TRDN: variants seen among roughly 807,000 people sequenced by gnomAD.
The protein encoded by TRDN is triadin.
TRDN carries 161 observed loss-of-function variants against 149.7 expected under a neutral mutation model. The ratio of observed to expected loss-of-function variants is 1.08; its 90% CI spans 0.95 to 1.23. TRDN has a LOEUF of 1.23. Among genes scored for constraint, TRDN ranks in the 50% most tolerant of loss-of-function variants. The probability of loss-of-function intolerance (pLI) is 0.00; values close to 1 mark genes in which losing one functional copy is unlikely to be tolerated. For synonymous variants in TRDN, 294 were observed against 250.5 expected (o/e 1.17, Z -1.64); for missense variants, 896 against 823.5 (o/e 1.09, Z -1.08).
chr6:123,550,061 T>C (rs890138561), intron 2 of TRDN, among the ~76,000 whole-genome samples: 2 of 152,050 alleles, frequency 1.3e-5, no homozygotes, highest in Non-Finnish European at 2.9e-5. Flanking sequence ...CATCAAGATG[T>C]AGACATTTGT....
chr6:123,520,441 A>G (rs1779616709), intron 5 of TRDN, among the ~76,000 whole-genome samples: 1 of 152,140 alleles, frequency 6.6e-6, no homozygotes, highest in Admixed American at 6.5e-5. Context: ...CTACGCAGCC[A>G]TGTCTGTTCC....
intron 1 of TRDN, among the ~76,000 whole-genome samples, chr6:123,620,059 A>G (rs1033699783): frequency 2.0e-5 from 3 of 152,178 alleles, no homozygotes; most frequent in Non-Finnish European, 4.4e-5. Context: ...CTTCTTGTGC[A>G]TGATCACAAA....
rs114809488 is a variant in TRDN at position 123,263,967 on chromosome 6, C to A, written c.1804+1351G>T. On this transcript the variant is annotated intron_variant, in intron 33 of 40. Transcript: ENST00000334268. ...AGACCTACTGCTAAGAAAAAAGACT[C>A]CTTTCAAATATTATGGCTCATTGAC... 6.3e-3 allele frequency among the ~76,000 whole-genome samples: 958 copies of A among 152,106 alleles called. 11 individuals are homozygous for A. The highest frequency in any genetic ancestry group is 0.022 in the African/African-American group (932 of 41,514).
At chr6:123,276,578 C>G (rs1371542234) in intron 26 of TRDN, among the ~76,000 whole-genome samples, 1 of 152,032 alleles carries the variant, frequency 6.6e-6, no homozygotes. Context: ...AGACAGTGTG[C>G]CATGGAGATA....
chr6:123,367,801 A>T (rs1335276710), intron 19 of TRDN, among the ~76,000 whole-genome samples: 2 of 152,254 alleles, frequency 1.3e-5, no homozygotes, highest in East Asian at 3.9e-4. Context: ...TAGGCTCCTG[A>T]TTTGGACCGC....
intron 23 of TRDN, among the ~76,000 whole-genome samples, chr6:123,328,498 T>A (rs1779544397): frequency 6.6e-6 from 1 of 152,208 alleles, no homozygotes; most frequent in Non-Finnish European, 1.5e-5. Context: ...TTTCTTTTTT[T>A]CCTATGAATT....
intron 2 of TRDN, among the ~76,000 whole-genome samples, chr6:123,568,713 G>A (rs1387652842): frequency 6.6e-6 from 1 of 152,184 alleles, no homozygotes; most frequent in East Asian, 1.9e-4. Context: ...AATATAGGCA[G>A]CACTCTTCTG....
intron 1 of TRDN, among the ~76,000 whole-genome samples, chr6:123,634,366 AG>A (rs1374373983): frequency 7.2e-5 from 11 of 152,122 alleles, no homozygotes; most frequent in African/African-American, 2.6e-4. Context: ...GCTGGAACCC[AG>A]GAGTTTGAGA....
At chr6:123,356,921 G>C (rs1780704556) in intron 20 of TRDN, among the ~76,000 whole-genome samples, 1 of 150,286 alleles carries the variant, frequency 6.7e-6, no homozygotes. Context: ...GTATTTTATT[G>C]ATAATAATAT....
chr6:123,220,969 T>C (rs1775123324), intron 40 of TRDN, among the ~76,000 whole-genome samples: 1 of 151,822 alleles, frequency 6.6e-6, no homozygotes, highest in Non-Finnish European at 1.5e-5. Context: ...TTGAATTTTG[T>C]AACTGCACAT....
chr6:123,362,422 G>C (rs1780940672), intron 20 of TRDN, among the ~76,000 whole-genome samples: 1 of 152,008 alleles, frequency 6.6e-6, no homozygotes, highest in Admixed American at 6.6e-5. Context: ...TTTAAAACAA[G>C]GCCTTTTATG....
chr6:123,251,144 CAATTTT>C (rs1442295274), intron 38 of TRDN, among the ~76,000 whole-genome samples: 1 of 152,062 alleles, frequency 6.6e-6, no homozygotes. Flanking sequence ...ATCAGTGGGA[CAATTTT>C]GTGTCCTTAC....
At chr6:123,261,834 T>C (rs1776781745) in intron 33 of TRDN, among the ~76,000 whole-genome samples, 1 of 151,902 alleles carries the variant, frequency 6.6e-6, no homozygotes. Flanking sequence ...TTCATATTAG[T>C]AGCAGTATTA....
chr6:123,508,450 C>CTTA (rs1779027264), intron 7 of TRDN, among the ~76,000 whole-genome samples: 1 of 152,140 alleles, frequency 6.6e-6, no homozygotes, highest in African/African-American at 2.4e-5. Flanking sequence ...GTGACCAAGG[C>CTTA]AGCAATAACC....
At chr6:123,262,657 A>G (rs1292673857) in intron 33 of TRDN, among the ~76,000 whole-genome samples, 1 of 152,066 alleles carries the variant, frequency 6.6e-6, no homozygotes. Flanking sequence ...ACCCTGTATG[A>G]TTAAGCCTAT....
At chr6:123,627,969 G>C (rs1785765471) in intron 1 of TRDN, among the ~76,000 whole-genome samples, 1 of 152,130 alleles carries the variant, frequency 6.6e-6, no homozygotes, top group East Asian at 1.9e-4. Context: ...TCTGGATTAG[G>C]CTTTGGCTGA....
intron 3 of TRDN, among the ~76,000 whole-genome samples, chr6:123,547,986 CTT>C (rs1199297254): frequency 6.6e-6 from 1 of 152,016 alleles, no homozygotes; most frequent in African/African-American, 2.4e-5. Flanking sequence ...TAAATTTACT[CTT>C]TTGATTGTAC....
In TRDN at chr6:123,547,189, A is replaced by G. The variant is rs1012864358; in HGVS notation, c.424+151T>C. 9.8e-6 allele frequency: 5 copies of G among 508,032 alleles called. No individual in the cohort carries two copies. The African/African-American group carries it at 1.0e-4, about 10-fold the overall frequency. The allele number at this position is 508,032 out of a possible 1,614,324, so 31.5% of individuals were successfully genotyped here. A position where few individuals can be genotyped will look rare whatever the true frequency, so the allele number is the denominator to read the frequency against. Reference sequence around the variant, plus strand: ...AGTGAGATCACCTTCATTGGAAAAGAAATTGAGTATTTTTTTTCTGACTAT... The same window carrying G: ...AGTGAGATCACCTTCATTGGAAAAGGAATTGAGTATTTTTTTTCTGACTAT... On this transcript the variant is annotated intron_variant, in intron 4 of 40. Transcript: ENST00000334268.
chr6:123,505,244 CAAAAAAAAAA>C lies in TRDN; in HGVS notation c.611-1353_611-1344del, dbSNP rs34096424. 2.6e-4 allele frequency among the ~76,000 whole-genome samples: 20 copies of C among 77,056 alleles called. 1 individual carries two copies. Among genetic ancestry groups the C allele is most frequent in the South Asian group, 2.0e-3 (3 of 1,486 alleles). 50.6% of individuals were successfully genotyped at this position (77,056 alleles called of 152,430 possible). On this transcript the variant is annotated intron_variant, in intron 7 of 40. Coordinates refer to ENST00000334268, the MANE Select transcript of TRDN (RefSeq NM_006073.4). The stretch of plus-strand genomic sequence containing the variant: ...GGGCAACAAGAGCAAAACTCTGTCT[CAAAAAAAAAA>C]AAAAAAAAAAAAAAAAGAATTTAAT...
Sources: allele counts gnomAD v4.1 joint callset (sites outside exome capture counted in the v4.1 genomes callset), GRCh38; gene constraint gnomAD v4.1.1; transcripts MANE v1.5; gene names NCBI Gene and HGNC (gene_info 2026-07-23, HGNC 2026-07-21).